The following FNIP2 variants were observed in gnomAD, a reference collection of about 807,000 sequenced individuals.
FNIP2 encodes the protein folliculin-interacting protein 2.
A neutral mutation model predicts 108.7 loss-of-function variants in FNIP2; 32 were observed. The observed-to-expected ratio is 0.29, with a 90% CI of 0.22 to 0.40. The LOEUF is 0.40. FNIP2 is among the 10% of genes least tolerant of loss of function. The pLI is 1.00. For missense variants in FNIP2, 1,202 were observed against 1,381.6 expected (o/e 0.87, Z 2.06); for synonymous variants, 480 against 496.7 (o/e 0.97, Z 0.45).
At chr4:158,875,545 C>T (rs1781234996) in intron 14 of FNIP2, among the ~76,000 whole-genome samples, 2 of 55,942 alleles carry the variant, frequency 3.6e-5, no homozygotes, top group African/African-American at 1.3e-4. Flanking sequence ...TATATATGCT[C>T]ATGAATACCT....
chr4:158,804,617 T>G (rs979338310), intron 1 of FNIP2, among the ~76,000 whole-genome samples: 1 of 152,174 alleles, frequency 6.6e-6, no homozygotes, highest in Non-Finnish European at 1.5e-5. Flanking sequence ...CTTGCTATGT[T>G]GCCCAGGCTG....
At chr4:158,776,142 C>A (rs543042701) in intron 1 of FNIP2, among the ~76,000 whole-genome samples, 2 of 152,140 alleles carry the variant, frequency 1.3e-5, no homozygotes, top group African/African-American at 4.8e-5. Context: ...ACAACCAATT[C>A]ATGCAGGGTG....
chr4:158,822,665 T>C (rs1478447106), intron 1 of FNIP2, among the ~76,000 whole-genome samples: 2 of 152,152 alleles, frequency 1.3e-5, no homozygotes, highest in African/African-American at 4.8e-5. Flanking sequence ...AACCAGCTAA[T>C]TTTTAAAAAA....
chr4:158,813,293 C>CA (rs1777383279), intron 1 of FNIP2, among the ~76,000 whole-genome samples: 1 of 152,184 alleles, frequency 6.6e-6, no homozygotes, highest in South Asian at 2.1e-4. Flanking sequence ...AAGACAACTG[C>CA]ACCACCAGCA....
chr4:158,857,224 A>G (rs1402773758), intron 8 of FNIP2, among the ~76,000 whole-genome samples: 1 of 152,218 alleles, frequency 6.6e-6, no homozygotes, highest in Non-Finnish European at 1.5e-5. Context: ...TTACTTTTGA[A>G]AAAGAAGGGA....
In FNIP2 at chr4:158,906,542, G is replaced by T. The variant is rs1232077869; in HGVS notation, c.*1998G>T. Reference sequence around the variant, plus strand: ...TATACATTAAAAAAATTCAGCCCAGGCCCCTCAAAGCCTGAGAAAATTTAA... The same window carrying T: ...TATACATTAAAAAAATTCAGCCCAGTCCCCTCAAAGCCTGAGAAAATTTAA... On this transcript the variant is annotated 3_prime_UTR_variant, in exon 17 of 17. Transcript: ENST00000264433. 1 of 151,938 alleles carries T rather than the reference G, an allele frequency of 6.6e-6. No homozygotes were observed. Among genetic ancestry groups the T allele is most frequent in the Non-Finnish European group, 1.5e-5 (1 of 67,978 alleles). The allele number at this position is 151,938 out of a possible 1,614,324, so 9.4% of individuals were successfully genotyped here.
intron 7 of FNIP2, among the ~76,000 whole-genome samples, chr4:158,849,113 T>C (rs1578909710): frequency 6.6e-6 from 1 of 152,202 alleles, no homozygotes; most frequent in Non-Finnish European, 1.5e-5. Flanking sequence ...TACGATCTAC[T>C]TTCAGATAAA....
intron 16 of FNIP2, among the ~76,000 whole-genome samples, chr4:158,902,995 GT>G (rs940996568): frequency 2.0e-5 from 3 of 152,130 alleles, no homozygotes; most frequent in African/African-American, 7.2e-5. Context: ...GGAGTGAACC[GT>G]TCTGTCTCGC....
rs778087047 is a variant in FNIP2, at chr4:158,861,713, A to G, written c.1402A>G (p.Thr468Ala). The G allele has an allele frequency of 2.5e-6, 4 of 1,613,788 alleles. No homozygotes were observed. The Admixed American group carries it at 6.7e-5, about 27-fold the overall frequency. The change falls in exon 12 of 17, where the codon ACC becomes GCC. Residue 468 changes from threonine to alanine, a missense_variant. Coordinates refer to ENST00000264433, the MANE Select transcript of FNIP2 (RefSeq NM_020840.3). Reference sequence around the variant, plus strand: ...CATCAAAGCCTTCTCAGAGAAACGTACCTCCCAGTCAGTGAACATGCTGGC... The same window carrying G: ...CATCAAAGCCTTCTCAGAGAAACGTGCCTCCCAGTCAGTGAACATGCTGGC... ...PPIKAFSEKRTSQSVNMLAKT... is the reference protein window; with the variant it reads ...PPIKAFSEKRASQSVNMLAKT...
intron 14 of FNIP2, among the ~76,000 whole-genome samples, chr4:158,875,154 C>T (rs1433226438): frequency 6.6e-6 from 1 of 151,494 alleles, no homozygotes; most frequent in East Asian, 1.9e-4. Flanking sequence ...GTTCTCCTAA[C>T]TAGTCAATGG....
chr4:158,839,716 C>G (rs368746628), intron 7 of FNIP2, among the ~76,000 whole-genome samples: 12 of 152,268 alleles, frequency 7.9e-5, no homozygotes, highest in African/African-American at 2.4e-4. Context: ...CCATTGGGAG[C>G]TCTCTCAGTA....
chr4:158,907,453 G>A lies in FNIP2; in HGVS notation c.*2909G>A, dbSNP rs2126820694. ...TTTGGAGGGAGAAAAATCCCCGCTTGCTAAATGATACTAAACCGTTGTTTG... is the reference window on the plus strand; with the variant it reads ...TTTGGAGGGAGAAAAATCCCCGCTTACTAAATGATACTAAACCGTTGTTTG... On this transcript the variant is annotated 3_prime_UTR_variant, in exon 17 of 17. Coordinates refer to ENST00000264433, the MANE Select transcript of FNIP2 (RefSeq NM_020840.3). 1 of 152,246 alleles carries A rather than the reference G, an allele frequency of 6.6e-6. No homozygotes were observed. The allele number at this position is 152,246 out of a possible 1,614,324, so 9.4% of individuals were successfully genotyped here.
chr4:158,781,993 G>A (rs570396745), intron 1 of FNIP2, among the ~76,000 whole-genome samples: 247 of 152,170 alleles, frequency 1.6e-3, no homozygotes, highest in African/African-American at 5.5e-3. Flanking sequence ...ACTACACAGT[G>A]TTTGACAACT....
intron 1 of FNIP2, among the ~76,000 whole-genome samples, chr4:158,797,453 G>C (rs192720164): frequency 6.6e-6 from 1 of 152,122 alleles, no homozygotes; most frequent in African/African-American, 2.4e-5. Flanking sequence ...TAATCTTAGC[G>C]CCTTGGGAGG....
At chr4:158,787,579 C>G (rs1776264491) in intron 1 of FNIP2, among the ~76,000 whole-genome samples, 1 of 152,134 alleles carries the variant, frequency 6.6e-6, no homozygotes, top group Non-Finnish European at 1.5e-5. Flanking sequence ...TGCATCACAC[C>G]TCAGCCAATT....
At chr4:158,828,023 C>CT (rs1778254203) in intron 2 of FNIP2, among the ~76,000 whole-genome samples, 1 of 151,704 alleles carries the variant, frequency 6.6e-6, no homozygotes, top group Non-Finnish European at 1.5e-5. Context: ...ATAGAAATAA[C>CT]TTATCATAGA....
chr4:158,799,214 C>T (rs1776683914), intron 1 of FNIP2, among the ~76,000 whole-genome samples: 1 of 152,204 alleles, frequency 6.6e-6, no homozygotes, highest in African/African-American at 2.4e-5. Flanking sequence ...TCTGCATTGC[C>T]TGCTGAGGAA....
chr4:158,879,961 G>C (rs1781492098), intron 14 of FNIP2, among the ~76,000 whole-genome samples: 2 of 150,096 alleles, frequency 1.3e-5, no homozygotes, highest in African/African-American at 5.0e-5. Context: ...TGGAGAGGAT[G>C]TGGAGAAATA....
intron 1 of FNIP2, among the ~76,000 whole-genome samples, chr4:158,807,887 C>T (rs188514017): frequency 1.3e-5 from 2 of 152,270 alleles, no homozygotes; most frequent in Admixed American, 1.3e-4. Flanking sequence ...TGATATGGTA[C>T]ATTAGAAAAA....
Sources: allele counts gnomAD v4.1 joint callset (sites outside exome capture counted in the v4.1 genomes callset), GRCh38; gene constraint gnomAD v4.1.1; transcripts MANE v1.5; gene names NCBI Gene and HGNC (gene_info 2026-07-23, HGNC 2026-07-21).